The following TPST2 variants were observed in gnomAD, a reference collection of about 807,000 sequenced individuals.
TPST2 encodes the protein protein-tyrosine sulfotransferase 2.
A neutral mutation model predicts 27.8 loss-of-function variants in TPST2; 16 were observed. That is an observed-to-expected ratio of 0.58 (90% CI 0.39 to 0.88). TPST2 has a LOEUF of 0.88. TPST2 is among the 40% of genes least tolerant of loss of function. The probability of loss-of-function intolerance (pLI) is 0.00; values close to 1 mark genes in which losing one functional copy is unlikely to be tolerated. For missense variants in TPST2, 464 were observed against 543.1 expected (o/e 0.85, Z 1.45); for synonymous variants, 229 against 231.7 (o/e 0.99, Z 0.10).
Position 26,540,902 on chromosome 22 carries a change from C to G in TPST2, c.729G>C (p.Leu243=), listed in dbSNP as rs754702298. 3 of 1,614,054 alleles carry G rather than the reference C, an allele frequency of 1.9e-6. No individual in the cohort carries two copies. Among genetic ancestry groups the G allele is most frequent in the Non-Finnish European group, 2.5e-6 (3 of 1,180,022 alleles). ...TGAGCTTGAGTGAGCGCCTGGGGTG[C>G]AGCACCAGCTGCTCGTAGTACACAG... ...CLPVYYEQLV[L]HPRRSLKLIL... is the part of the protein sequence containing the mutation. Residue 243 remains leucine, a synonymous_variant, in exon 3 of 7, where the codon CTG becomes CTC. Transcript: ENST00000338754.
chr22:26,583,750 G>T (rs1928218916), intron 1 of TPST2, among the ~76,000 whole-genome samples: 1 of 152,016 alleles, frequency 6.6e-6, no homozygotes, highest in Non-Finnish European at 1.5e-5. Context: ...TGAGGCAGAA[G>T]AATAGCTTGA....
intron 1 of TPST2, among the ~76,000 whole-genome samples, chr22:26,559,095 G>A (rs1569189420): frequency 1.3e-5 from 2 of 152,242 alleles, no homozygotes; most frequent in East Asian, 1.9e-4. Context: ...GGCCCGGCGC[G>A]GTGGCCCACG....
chr22:26,561,043 A>G, intron 1 of TPST2: 1 of 1,596,584 alleles, frequency 6.3e-7, no homozygotes, highest in Admixed American at 1.7e-5. Context: ...GCAGCAAAAA[A>G]GGGAGTTGTC....
At chr22:26,589,836 C>G (rs1928486642) in intron 1 of TPST2, among the ~76,000 whole-genome samples, 1 of 152,060 alleles carries the variant, frequency 6.6e-6, no homozygotes, top group Non-Finnish European at 1.5e-5. Flanking sequence ...GCGCTCGGGA[C>G]GCCGAGCGGG....
intron 1 of TPST2, among the ~76,000 whole-genome samples, chr22:26,558,158 C>T (rs1299724207): frequency 3.3e-5 from 2 of 60,674 alleles, no homozygotes; most frequent in Admixed American, 1.8e-4. Context: ...CACACACACA[C>T]ACACACACAT....
chr22:26,584,869 A>G (rs1928279440), intron 1 of TPST2, among the ~76,000 whole-genome samples: 1 of 152,210 alleles, frequency 6.6e-6, no homozygotes, highest in Non-Finnish European at 1.5e-5. Context: ...GCACCCAGTA[A>G]GCCCTGTTGA....
At chr22:26,575,410 T>G (rs1005434026) in intron 1 of TPST2, among the ~76,000 whole-genome samples, 4 of 152,148 alleles carry the variant, frequency 2.6e-5, no homozygotes, top group African/African-American at 9.7e-5. Context: ...ACTTACCAAT[T>G]GCTAAGGGCC....
chr22:26,528,092 C>G, intron 6 of TPST2, 122 bp downstream of exon 6: 1 of 1,159,068 alleles, frequency 8.6e-7, no homozygotes, highest in Non-Finnish European at 1.2e-6. Context: ...TGGGTCAGCC[C>G]ACCCTAGTGG....
intron 3 of TPST2, among the ~76,000 whole-genome samples, chr22:26,539,019 C>T (rs1287536445): frequency 1.3e-5 from 2 of 152,216 alleles, no homozygotes; most frequent in African/African-American, 2.4e-5. Context: ...TTTCTCCGTT[C>T]TTCTTTGGTG....
Position 26,541,178 on chromosome 22 carries a change from C to T in TPST2, c.453G>A (p.Pro151=), listed in dbSNP as rs752659383. The change falls in exon 3 of 7, where the codon CCG becomes CCA. Residue 151 remains proline, a synonymous_variant. Transcript: ENST00000338754. This position sits in a 1 kb window ranked among gnomAD's most constrained non-coding sequence, Gnocchi z 5.9. ...ILEVIAKHGE[P]ARVLCNKDPF... is the part of the protein sequence containing the mutation. ...GGTCCTTGTTGCAGAGCACGCGGGC[C>T]GGCTCTCCGTGCTTGGCAATCACCT... 1.0e-5 allele frequency: 16 copies of T among 1,597,408 alleles called. No individual in the cohort carries two copies. In the Admixed American group the frequency reaches 1.7e-4, roughly 17 times the overall value.
chr22:26,558,981 T>C (rs1926944892), intron 1 of TPST2, among the ~76,000 whole-genome samples: 1 of 152,268 alleles, frequency 6.6e-6, no homozygotes, highest in African/African-American at 2.4e-5. Flanking sequence ...TTTTTATATG[T>C]TGTTTTTCAT....
chr22:26,586,951 T>C (rs780865268), intron 1 of TPST2, among the ~76,000 whole-genome samples: 1 of 152,160 alleles, frequency 6.6e-6, no homozygotes, highest in Non-Finnish European at 1.5e-5. Flanking sequence ...GTGTGCAGAA[T>C]GTTCACAGAT....
At chr22:26,553,677 G>A (rs553390912) in intron 1 of TPST2, among the ~76,000 whole-genome samples, 96 of 136,944 alleles carry the variant, frequency 7.0e-4, no homozygotes, top group South Asian at 9.4e-4. Context: ...ATATACAGTC[G>A]CCCCTCGGTA....
intron 1 of TPST2, among the ~76,000 whole-genome samples, chr22:26,578,567 G>C (rs1927955699): frequency 6.6e-6 from 1 of 152,140 alleles, no homozygotes; most frequent in Admixed American, 6.6e-5. Context: ...CTCAGAGAAG[G>C]AAGATTTTGC....
At chr22:26,549,423 C>T (rs563717168) in intron 1 of TPST2, among the ~76,000 whole-genome samples, 1 of 152,212 alleles carries the variant, frequency 6.6e-6, no homozygotes, top group South Asian at 2.1e-4. Context: ...CTTTGTGAGG[C>T]CAAGGTGGAC....
Position 26,530,631 on chromosome 22 carries a change from C to CA in TPST2, c.1092+2063dup, listed in dbSNP as rs34776057. On this transcript the variant is annotated intron_variant, in intron 5 of 6. Transcript: ENST00000338754. The stretch of plus-strand genomic sequence containing the variant: ...TGGGTGACACAGTGAAACCCCATCT[C>CA]AAAAAAAAAAAGGAATCAGCAGGAG... 3.4e-4 allele frequency among the ~76,000 whole-genome samples: 40 copies of CA among 118,274 alleles called. 2 individuals carry two copies. The highest frequency in any genetic ancestry group is 8.0e-4 in the East Asian group (3 of 3,730). 77.6% of individuals were successfully genotyped at this position (118,274 alleles called of 152,430 possible).
chr22:26,524,354 A>AG lies in TPST2; in HGVS notation c.*1920_*1921insC, dbSNP rs1220594987. On this transcript the variant is annotated 3_prime_UTR_variant, in exon 7 of 7. Transcript: ENST00000338754. The stretch of plus-strand genomic sequence containing the variant: ...AAGACCTCGTCTCTACAGAAAAAAA[A>AG]AAATTTAAAAAGTAGCCAGGTGTGG... 2.0e-5 allele frequency: 3 copies of AG among 152,134 alleles called. No individual in the cohort carries two copies. The highest frequency in any genetic ancestry group is 7.2e-5 in the African/African-American group (3 of 41,406). The allele number at this position is 152,134 out of a possible 1,614,324, so 9.4% of individuals were successfully genotyped here.
intron 1 of TPST2, among the ~76,000 whole-genome samples, chr22:26,566,488 G>A (rs1465609908): frequency 6.6e-6 from 1 of 152,054 alleles, no homozygotes; most frequent in African/African-American, 2.4e-5. Flanking sequence ...GGGAGGCAGA[G>A]GTTGCAGTAA....
Position 26,541,489 on chromosome 22 carries a change from C to T in TPST2, c.142G>A (p.Glu48Lys), listed in dbSNP as rs749683219. Residue 48 changes from glutamate to lysine, a missense_variant, in exon 3 of 7, where the codon GAG becomes AAG. Glu to Lys is a moderately conservative substitution (Grantham distance 56, BLOSUM62 1). Coordinates refer to ENST00000338754, the MANE Select transcript of TPST2 (RefSeq NM_003595.5). The surrounding 1 kb of genome is among the most constrained non-coding windows in gnomAD (Gnocchi z 5.9). ...CCCACCATCACCAGCTCCTCCTGCT[C>T]AGGCCGCATGGCCCCCCGGGGGCTC... ...LRSPRGAMRP[E>K]QEELVMVGTN... 11 of 1,611,902 alleles carry T rather than the reference C, an allele frequency of 6.8e-6. No homozygotes were observed. Among genetic ancestry groups the T allele is most frequent in the Non-Finnish European group, 9.3e-6 (11 of 1,178,906 alleles).
Sources: gnomAD v4.1 joint callset for allele counts (sites outside exome capture counted in the v4.1 genomes callset) on GRCh38, gnomAD v4.1.1 for gene constraint, Gnocchi (gnomAD v3.1) non-coding constraint, MANE v1.5 for transcripts, NCBI Gene and HGNC (gene_info 2026-07-23, HGNC 2026-07-21) for gene names.